The following BBX variants were observed in gnomAD, a reference collection of about 807,000 sequenced individuals.
BBX encodes the protein HMG box transcription factor BBX.
Under a neutral mutation model 100.2 loss-of-function variants are expected in BBX, and 30 were observed. The ratio of observed to expected loss-of-function variants is 0.30; its 90% CI spans 0.22 to 0.41. BBX has a LOEUF of 0.41. BBX is among the 10% of genes least tolerant of loss of function. BBX has a pLI of 1.00. For missense variants in BBX, 1,023 were observed against 1,129.8 expected (o/e 0.91, Z 1.35); for synonymous variants, 376 against 388.1 (o/e 0.97, Z 0.37).
In BBX at chr3:107,747,956, T is replaced by C. The variant is rs2064762825; in HGVS notation, c.751-9T>C. On this transcript the variant is annotated splice_polypyrimidine_tract_variant and intron_variant, in intron 8 of 17. Coordinates refer to ENST00000325805, the MANE Select transcript of BBX (RefSeq NM_001142568.3). ...CATTGTATATTAAAAATTGCTTGTT[T>C]CCTTTCAGATATCTTCAAGTACGTC... The C allele has an allele frequency of 1.2e-6, 2 of 1,607,754 alleles. No homozygotes were observed. The highest frequency in any genetic ancestry group is 2.2e-5 in the East Asian group (1 of 44,762).
chr3:107,525,054 G>T (rs1397767396), intron 1 of BBX, among the ~76,000 whole-genome samples: 1 of 150,270 alleles, frequency 6.7e-6, no homozygotes, highest in African/African-American at 2.4e-5. Context: ...CACTGGCGGC[G>T]TGGGGGCCCC....
At chr3:107,776,815 C>G (rs1392202613) in intron 12 of BBX, among the ~76,000 whole-genome samples, 1 of 152,102 alleles carries the variant, frequency 6.6e-6, no homozygotes, top group African/African-American at 2.4e-5. Context: ...TTGAAAAATT[C>G]ACAACTTATA....
chr3:107,683,263 G>A (rs184179311), intron 3 of BBX, among the ~76,000 whole-genome samples: 7 of 152,110 alleles, frequency 4.6e-5, no homozygotes, highest in Middle Eastern at 3.4e-3. Context: ...CCCTGCTTCC[G>A]ATTTTAGTGT....
In BBX at chr3:107,654,893, A is replaced by G. The variant is rs962627741; in HGVS notation, c.-10+8984A>G. Among the ~76,000 whole-genome samples the G allele has an allele frequency of 2.0e-5, 3 of 152,314 alleles. No individual in the cohort carries two copies. In the South Asian group the frequency reaches 6.2e-4, roughly 32 times the overall value. On this transcript the variant is annotated intron_variant, in intron 3 of 17. Coordinates refer to ENST00000325805, the MANE Select transcript of BBX (RefSeq NM_001142568.3). ...AAAGGTACTAGAGGGTATAATGTCA[A>G]CCCAGCATATGGCAGGCACTATTAA...
intron 2 of BBX, among the ~76,000 whole-genome samples, chr3:107,564,843 C>T (rs1055053019): frequency 1.3e-5 from 2 of 152,120 alleles, no homozygotes; most frequent in African/African-American, 2.4e-5. Flanking sequence ...ATTCATTCTT[C>T]CAAATGAATT....
At chr3:107,543,256 T>A (rs558732346) in intron 2 of BBX, among the ~76,000 whole-genome samples, 97 of 152,290 alleles carry the variant, frequency 6.4e-4, no homozygotes, top group African/African-American at 2.3e-3. Context: ...ATTAAGAAAC[T>A]AGGACCCAGG....
chr3:107,744,488 C>T, intron 7 of BBX, 142 bp from the exon 8 acceptor site: 1 of 640,672 alleles, frequency 1.6e-6, no homozygotes, highest in South Asian at 2.3e-5. Flanking sequence ...AAATGTATAT[C>T]CTGAGAAAAA....
intron 15 of BBX, 88 bp downstream of exon 15, chr3:107,791,387 A>G: frequency 9.0e-7 from 1 of 1,109,834 alleles, no homozygotes; most frequent in Non-Finnish European, 1.3e-6. Context: ...TAATTTATAT[A>G]GGTTTAAACA....
chr3:107,582,328 T>C (rs970812003), intron 2 of BBX, among the ~76,000 whole-genome samples: 6 of 152,058 alleles, frequency 3.9e-5, no homozygotes, highest in Admixed American at 6.5e-5. Flanking sequence ...TTAAGTCTCA[T>C]TGGAGTTTTA....
At chr3:107,797,025 G>A (rs1433598725) in intron 15 of BBX, among the ~76,000 whole-genome samples, 2 of 152,062 alleles carry the variant, frequency 1.3e-5, no homozygotes, top group African/African-American at 4.8e-5. Context: ...ACAAATGATG[G>A]TGTGATTTCT....
chr3:107,658,667 T>G (rs2058276368), intron 3 of BBX, among the ~76,000 whole-genome samples: 1 of 152,112 alleles, frequency 6.6e-6, no homozygotes, highest in African/African-American at 2.4e-5. Context: ...GTAATGATGA[T>G]TATGATTAAA....
chr3:107,535,236 T>C (rs2107327040), intron 2 of BBX, among the ~76,000 whole-genome samples: 2 of 152,192 alleles, frequency 1.3e-5, no homozygotes, highest in South Asian at 4.1e-4. Flanking sequence ...AGCTAAGAAT[T>C]CTCCCCAATT....
intron 2 of BBX, among the ~76,000 whole-genome samples, chr3:107,536,227 A>G (rs1042016694): frequency 6.6e-6 from 1 of 152,228 alleles, no homozygotes; most frequent in African/African-American, 2.4e-5. Flanking sequence ...CGAGTAGCCA[A>G]ACATTTCGAA....
intron 2 of BBX, among the ~76,000 whole-genome samples, chr3:107,642,768 G>T (rs746270035): frequency 3.3e-5 from 5 of 152,052 alleles, no homozygotes; most frequent in African/African-American, 1.2e-4. Context: ...AAATGGAGAG[G>T]CATGTGTACC....
At chr3:107,621,894 TG>T (rs1159081089) in intron 2 of BBX, among the ~76,000 whole-genome samples, 4 of 152,240 alleles carry the variant, frequency 2.6e-5, no homozygotes, top group Admixed American at 2.6e-4. Flanking sequence ...ACCAGTAATT[TG>T]TTTTTCTAGG....
chr3:107,597,386 C>A (rs1324124728), intron 2 of BBX, among the ~76,000 whole-genome samples: 3 of 152,088 alleles, frequency 2.0e-5, no homozygotes, highest in Non-Finnish European at 2.9e-5. Context: ...GATTAGAACA[C>A]AGTAGGTCAG....
At chr3:107,674,300 A>G (rs2059174280) in intron 3 of BBX, among the ~76,000 whole-genome samples, 1 of 152,172 alleles carries the variant, frequency 6.6e-6, no homozygotes, top group Admixed American at 6.5e-5. Flanking sequence ...GGTGTGTCTG[A>G]AAGTTCTAAC....
At chr3:107,768,997 G>C (rs773802929) in intron 10 of BBX, among the ~76,000 whole-genome samples, 37 of 62,894 alleles carry the variant, frequency 5.9e-4, no homozygotes, top group Non-Finnish European at 1.2e-3. Flanking sequence ...TATTCTCTAC[G>C]GGTGGGGGGC....
intron 2 of BBX, among the ~76,000 whole-genome samples, chr3:107,600,692 T>C (rs1187426553): frequency 6.6e-6 from 1 of 152,210 alleles, no homozygotes; most frequent in Non-Finnish European, 1.5e-5. Context: ...CAAATATTTG[T>C]AAACAGGAGT....
Sources: allele counts gnomAD v4.1 joint callset (sites outside exome capture counted in the v4.1 genomes callset), GRCh38; gene constraint gnomAD v4.1.1; transcripts MANE v1.5; gene names NCBI Gene and HGNC (gene_info 2026-07-23, HGNC 2026-07-21).